CNTN4: variants seen among roughly 807,000 people sequenced by gnomAD.
CNTN4 encodes the protein contactin 4.
In CNTN4, 77 loss-of-function variants were observed where a neutral mutation model predicts 122.5. That is an observed-to-expected ratio of 0.63 (90% confidence interval 0.52 to 0.76). CNTN4 has a LOEUF of 0.76. CNTN4 is among the 30% of genes least tolerant of loss of function. CNTN4 has a pLI of 0.00. For missense variants in CNTN4, 1,256 were observed against 1,259.1 expected, an observed-to-expected ratio of 1.00 and a Z score of 0.04; for synonymous variants, 512 against 447.0, an observed-to-expected ratio of 1.15 and a Z score of -1.83.
chr3:2,361,555 C>T (rs906094605), intron 3 of CNTN4, among the ~76,000 whole-genome samples: 2 of 152,170 alleles, frequency 1.3e-5, no homozygotes, highest in Non-Finnish European at 2.9e-5. Flanking sequence ...ATTGTTAGCT[C>T]ATACATTCAG....
At chr3:2,794,019 T>C (rs1296858578) in intron 6 of CNTN4, among the ~76,000 whole-genome samples, 1 of 152,200 alleles carries the variant, frequency 6.6e-6, no homozygotes, top group Non-Finnish European at 1.5e-5. Context: ...TTTTTCTTGG[T>C]GGTGACATTT....
chr3:2,990,907 T>C (rs1378487344), intron 14 of CNTN4, among the ~76,000 whole-genome samples: 1 of 152,216 alleles, frequency 6.6e-6, no homozygotes, highest in Non-Finnish European at 1.5e-5. Flanking sequence ...TATTTGTTTC[T>C]TTCAAGGTAT....
chr3:2,181,285 A>G (rs1472105840), intron 2 of CNTN4, among the ~76,000 whole-genome samples: 2 of 152,176 alleles, frequency 1.3e-5, no homozygotes, highest in Admixed American at 1.3e-4. Context: ...GAAGCCCCCA[A>G]ATGTTTAAAG....
intron 10 of CNTN4, among the ~76,000 whole-genome samples, chr3:2,893,499 G>A (rs2094068905): frequency 6.6e-6 from 1 of 152,168 alleles, no homozygotes; most frequent in Non-Finnish European, 1.5e-5. Flanking sequence ...TGTCACTTAA[G>A]ATAAAGTCAA....
intron 3 of CNTN4, among the ~76,000 whole-genome samples, chr3:2,559,777 T>A (rs1575991730): frequency 1.3e-5 from 2 of 152,184 alleles, no homozygotes; most frequent in Non-Finnish European, 2.9e-5. Flanking sequence ...ACCATCTGCA[T>A]GTAGTCATGA....
At chr3:2,821,403 A>T (rs1453976604) in intron 7 of CNTN4, among the ~76,000 whole-genome samples, 5 of 152,244 alleles carry the variant, frequency 3.3e-5, no homozygotes, top group Admixed American at 2.6e-4. Context: ...TCCAAACCAG[A>T]TCAAATGGGA....
chr3:2,421,770 A>G (rs1487862376), intron 3 of CNTN4, among the ~76,000 whole-genome samples: 1 of 152,194 alleles, frequency 6.6e-6, no homozygotes, highest in African/African-American at 2.4e-5. Context: ...TTACTTTGTT[A>G]GAAAAAATGC....
At chr3:2,551,272 A>G (rs2149362375) in intron 3 of CNTN4, among the ~76,000 whole-genome samples, 1 of 152,222 alleles carries the variant, frequency 6.6e-6, no homozygotes, top group East Asian at 1.9e-4. Context: ...TTTGAGGTCT[A>G]ATGCAATATT....
intron 3 of CNTN4, among the ~76,000 whole-genome samples, chr3:2,420,707 C>T (rs1450987287): frequency 1.3e-5 from 2 of 152,106 alleles, no homozygotes; most frequent in Non-Finnish European, 1.5e-5. Flanking sequence ...AAGTGCATTG[C>T]AGCTGTGGGC....
intron 4 of CNTN4, among the ~76,000 whole-genome samples, chr3:2,638,644 C>T (rs918972391): frequency 1.3e-5 from 2 of 152,072 alleles, no homozygotes; most frequent in Non-Finnish European, 2.9e-5. Flanking sequence ...AAACTAATAT[C>T]GTTGATGAAA....
chr3:2,335,510 A>G (rs1323352869), intron 2 of CNTN4, among the ~76,000 whole-genome samples: 1 of 151,936 alleles, frequency 6.6e-6, no homozygotes, highest in Non-Finnish European at 1.5e-5. Flanking sequence ...ACTATTAGCC[A>G]ATCAAGTGCA....
chr3:2,346,115 C>G (rs1246826795), intron 3 of CNTN4, among the ~76,000 whole-genome samples: 1 of 152,012 alleles, frequency 6.6e-6, no homozygotes, highest in African/African-American at 2.4e-5. Context: ...TTTCCATCAC[C>G]TTACTTTGTG....
intron 2 of CNTN4, among the ~76,000 whole-genome samples, chr3:2,161,695 G>A (rs1014776966): frequency 1.5e-4 from 23 of 152,184 alleles, no homozygotes; most frequent in African/African-American, 5.3e-4. Context: ...AAAAGAGAAC[G>A]CTAAGTACGA....
rs1701896396 is a variant in CNTN4 at position 3,057,665 on chromosome 3, T to G, written c.*1445T>G. The stretch of plus-strand genomic sequence containing the variant: ...TAACTTTTCAACCTTCTAGTTATAT[T>G]TATCCAATAAAGTCATAATCGGGAT... On this transcript the variant is annotated 3_prime_UTR_variant, in exon 25 of 25. Coordinates refer to ENST00000418658, the MANE Select transcript of CNTN4 (RefSeq NM_175607.3). 6.6e-6 allele frequency: 1 copy of G among 152,648 alleles called. No homozygotes were observed. The highest frequency in any genetic ancestry group is 2.4e-5 in the African/African-American group (1 of 41,462). The allele number at this position is 152,648 out of a possible 1,614,324, so 9.5% of individuals were successfully genotyped here. A position where few individuals can be genotyped will look rare whatever the true frequency, so the allele number is the denominator to read the frequency against.
rs928046186 is a variant in CNTN4 at position 2,100,647 on chromosome 3, T to G, written c.-145+8T>G. The G allele has an allele frequency of 1.3e-5, 2 of 152,244 alleles. No individual in the cohort carries two copies. Among genetic ancestry groups the G allele is most frequent in the African/African-American group, 4.8e-5 (2 of 41,458 alleles). 9.4% of individuals were successfully genotyped at this position (152,244 alleles called of 1,614,324 possible). On this transcript the variant is annotated splice_region_variant and intron_variant, in intron 2 of 24. Transcript: ENST00000418658. ...AGAAAATTCACGTTACCCGTAAGTT[T>G]ATTCTTGCTATTTTTATCTTGATTT...
intron 3 of CNTN4, among the ~76,000 whole-genome samples, chr3:2,549,732 G>T (rs1340578067): frequency 2.6e-5 from 4 of 152,058 alleles, no homozygotes; most frequent in Admixed American, 6.6e-5. Context: ...TTAGGGAGGA[G>T]TCCTTCTTTT....
chr3:3,035,632 C>T (rs1288923737), intron 17 of CNTN4, among the ~76,000 whole-genome samples: 1 of 152,224 alleles, frequency 6.6e-6, no homozygotes, highest in Non-Finnish European at 1.5e-5. Context: ...TCACAGCACA[C>T]TGCAGCCTCG....
chr3:2,429,990 G>A lies in CNTN4; in HGVS notation c.-89+90757G>A, dbSNP rs552013925. 7.9e-5 allele frequency among the ~76,000 whole-genome samples: 12 copies of A among 152,308 alleles called. No individual in the cohort carries two copies. In the East Asian group the frequency reaches 2.3e-3, roughly 29 times the overall value. On this transcript the variant is annotated intron_variant, in intron 3 of 24. Transcript: ENST00000418658. ...GTCACGGCTTCCCTTGGTGAGGAAAGGGAATTCCCGGACCCCTTGCGCTTC... is the reference window on the plus strand; with the variant it reads ...GTCACGGCTTCCCTTGGTGAGGAAAAGGAATTCCCGGACCCCTTGCGCTTC...
At chr3:2,335,761 C>T (rs1377413483) in intron 2 of CNTN4, among the ~76,000 whole-genome samples, 1 of 152,068 alleles carries the variant, frequency 6.6e-6, no homozygotes, top group Admixed American at 6.6e-5. Flanking sequence ...ATAAATAATT[C>T]CTGCTTATAT....
Sources: gnomAD v4.1 joint callset for allele counts (sites outside exome capture counted in the v4.1 genomes callset) on GRCh38, gnomAD v4.1.1 for gene constraint, MANE v1.5 for transcripts, NCBI Gene and HGNC (gene_info 2026-07-23, HGNC 2026-07-21) for gene names.